Variants in TNIK observed in about 807,000 individuals in gnomAD.
TNIK encodes the protein TRAF2 and NCK-interacting protein kinase.
Under a neutral mutation model 191.3 loss-of-function variants are expected in TNIK, and 49 were observed. That is an observed-to-expected ratio of 0.26 (90% confidence interval 0.20 to 0.32). TNIK has a LOEUF of 0.32. Ranked by LOEUF, TNIK falls within the 10% of genes least tolerant of loss-of-function variation. The pLI, the probability that TNIK is intolerant of heterozygous loss-of-function variation, is 1.00. For synonymous variants in TNIK, 594 were observed against 600.9 expected (o/e 0.99, Z 0.17); for missense variants, 1,155 against 1,702.3 (o/e 0.68, Z 5.66).
intron 3 of TNIK, among the ~76,000 whole-genome samples, chr3:171,216,308 CATTT>C (rs1323544081): frequency 6.6e-6 from 1 of 152,060 alleles, no homozygotes; most frequent in Non-Finnish European, 1.5e-5. Context: ...AATCAGTAAA[CATTT>C]ATTTGTTTAA....
At chr3:171,104,821 CTA>C (rs1491132619) in intron 21 of TNIK, among the ~76,000 whole-genome samples, 1 of 152,062 alleles carries the variant, frequency 6.6e-6, no homozygotes, top group African/African-American at 2.4e-5. Flanking sequence ...GGTTGAACCC[CTA>C]GTTATTGTTC....
In TNIK at chr3:171,283,715, C is replaced by T. The variant is rs1173953807; in HGVS notation, c.124-55494G>A. ...ACCATGCCACTAGGGTTCTGGAAGCCCTGGGAAGCTGCCAGTGGCACTGCA... is the reference window on the plus strand; with the variant it reads ...ACCATGCCACTAGGGTTCTGGAAGCTCTGGGAAGCTGCCAGTGGCACTGCA... On this transcript the variant is annotated intron_variant, in intron 2 of 32. Coordinates refer to ENST00000436636, the MANE Select transcript of TNIK (RefSeq NM_015028.4). 3.3e-5 allele frequency among the ~76,000 whole-genome samples: 5 copies of T among 152,222 alleles called. No homozygotes were observed. The South Asian group carries it at 1.0e-3, about 32-fold the overall frequency.
chr3:171,258,864 TTTAA>T (rs747855918), intron 2 of TNIK, among the ~76,000 whole-genome samples: 4 of 152,156 alleles, frequency 2.6e-5, no homozygotes, highest in East Asian at 1.9e-4. Flanking sequence ...CAGTAACCAA[TTTAA>T]TTAATTTACT....
chr3:171,346,397 C>T (rs570970138), intron 2 of TNIK, among the ~76,000 whole-genome samples: 1 of 152,130 alleles, frequency 6.6e-6, no homozygotes, highest in African/African-American at 2.4e-5. Context: ...AAGTATGATT[C>T]CTTATTTATT....
At chr3:171,196,246 G>A (rs1441260394) in intron 4 of TNIK, among the ~76,000 whole-genome samples, 1 of 152,214 alleles carries the variant, frequency 6.6e-6, no homozygotes, top group Non-Finnish European at 1.5e-5. Flanking sequence ...AGAAGACATA[G>A]TAGAAGAATG....
chr3:171,214,760 A>T (rs1741260317), intron 3 of TNIK, among the ~76,000 whole-genome samples: 1 of 152,226 alleles, frequency 6.6e-6, no homozygotes, highest in East Asian at 1.9e-4. Flanking sequence ...AACCTCAGCC[A>T]TGGCATTTAA....
chr3:171,203,250 T>C (rs1314087502), intron 4 of TNIK, among the ~76,000 whole-genome samples: 1 of 152,130 alleles, frequency 6.6e-6, no homozygotes, highest in Non-Finnish European at 1.5e-5. Context: ...CAGAATTAGG[T>C]TTAGGAGTTG....
At chr3:171,406,343 A>G (rs1017534316) in intron 1 of TNIK, among the ~76,000 whole-genome samples, 1 of 152,218 alleles carries the variant, frequency 6.6e-6, no homozygotes, top group Admixed American at 6.5e-5. Flanking sequence ...TTACAGACTC[A>G]GGAATTGAGA....
chr3:171,406,776 A>G (rs1436372844), intron 1 of TNIK, among the ~76,000 whole-genome samples: 1 of 152,218 alleles, frequency 6.6e-6, no homozygotes, highest in Non-Finnish European at 1.5e-5. Context: ...GAGCCCAAGA[A>G]TTAACTGCCC....
At chr3:171,161,359 T>C (rs1733961815) in intron 10 of TNIK, 23 bp from the exon 11 acceptor site, 1 of 1,607,222 alleles carries the variant, frequency 6.2e-7, no homozygotes, top group African/African-American at 1.3e-5. Context: ...CCCAGCATGT[T>C]AGTGCACAAA....
chr3:171,257,589 C>G (rs916768750), intron 2 of TNIK, among the ~76,000 whole-genome samples: 3 of 152,212 alleles, frequency 2.0e-5, no homozygotes, highest in African/African-American at 7.2e-5. Context: ...AAACAACATT[C>G]TAACGTCAAT....
At chr3:171,397,298 G>A (rs145437809) in intron 1 of TNIK, among the ~76,000 whole-genome samples, 335 of 152,326 alleles carry the variant, frequency 2.2e-3, no homozygotes, top group African/African-American at 7.9e-3. Flanking sequence ...CAGATTGATG[G>A]ACAGAGTGAG....
chr3:171,435,167 T>A (rs1031911861), intron 1 of TNIK, among the ~76,000 whole-genome samples: 5 of 152,208 alleles, frequency 3.3e-5, no homozygotes, highest in Admixed American at 3.3e-4. Context: ...AGGGAAGATA[T>A]CTTTTTACAT....
chr3:171,384,494 T>C (rs1272720815), intron 1 of TNIK, among the ~76,000 whole-genome samples: 1 of 152,212 alleles, frequency 6.6e-6, no homozygotes, highest in Non-Finnish European at 1.5e-5. Flanking sequence ...TCCCAAGTTA[T>C]CCCAATGCAT....
At chr3:171,140,026 C>T (rs763942396) in intron 13 of TNIK, among the ~76,000 whole-genome samples, 3 of 152,176 alleles carry the variant, frequency 2.0e-5, no homozygotes, top group Non-Finnish European at 2.9e-5. Flanking sequence ...AGAGATGGGC[C>T]TGCATCAATG....
At chr3:171,397,883 C>A (rs184796463) in intron 1 of TNIK, among the ~76,000 whole-genome samples, 3 of 152,034 alleles carry the variant, frequency 2.0e-5, no homozygotes, top group Non-Finnish European at 2.9e-5. Context: ...ACAACACTTA[C>A]CAAAATAAAC....
chr3:171,402,904 C>T (rs1054075775), intron 1 of TNIK, among the ~76,000 whole-genome samples: 9 of 152,136 alleles, frequency 5.9e-5, no homozygotes, highest in African/African-American at 1.7e-4. Context: ...TTTTTCAACC[C>T]AGAATTATTT....
At chr3:171,210,357 T>A (rs1184001797) in intron 4 of TNIK, among the ~76,000 whole-genome samples, 1 of 152,066 alleles carries the variant, frequency 6.6e-6, no homozygotes, top group Non-Finnish European at 1.5e-5. Flanking sequence ...ACTAAGTGAA[T>A]AAAAGTTCCA....
At position 171,294,177 on chromosome 3, in the gene TNIK, C is replaced by T. The variant is rs542716648; in HGVS notation, c.124-65956G>A. 4.0e-5 allele frequency among the ~76,000 whole-genome samples: 6 copies of T among 151,886 alleles called. No homozygotes were observed. The East Asian group carries it at 9.8e-4, about 25-fold the overall frequency. On this transcript the variant is annotated intron_variant, in intron 2 of 32. Transcript: ENST00000436636. ...CAGGGAGGTGGAGGTTGCAGTGAGC[C>T]GAGATGGCGCCACTGCACTCCAGCC...
Sources: allele counts gnomAD v4.1 joint callset (sites outside exome capture counted in the v4.1 genomes callset), GRCh38; gene constraint gnomAD v4.1.1; transcripts MANE v1.5; gene names NCBI Gene and HGNC (gene_info 2026-07-23, HGNC 2026-07-21).